Variants in CSF2RA observed in about 807,000 individuals in gnomAD.
The protein encoded by CSF2RA is granulocyte-macrophage colony-stimulating factor receptor subunit alpha.
Under a neutral mutation model 51.6 loss-of-function variants are expected in CSF2RA, and 42 were observed. The observed-to-expected ratio is 0.81, with a 90% confidence interval of 0.64 to 1.05. CSF2RA has a LOEUF of 1.05. Among genes scored for constraint, CSF2RA ranks in the 50% least tolerant of loss-of-function variants. The pLI is 0.00. For synonymous variants in CSF2RA, 222 were observed against 193.0 expected (o/e 1.15, Z -1.24); for missense variants, 530 against 501.1 (o/e 1.06, Z -0.55).
the CSF2RA span, among the ~76,000 whole-genome samples, chrX:1,322,007 T>G: frequency 6.6e-6 from 1 of 152,072 alleles, no homozygotes; most frequent in Non-Finnish European, 1.5e-5. Flanking sequence ...TGGTGGCTCA[T>G]GCCTGTAATC....
the CSF2RA span, among the ~76,000 whole-genome samples, chrX:1,322,231 G>A: frequency 2.0e-5 from 3 of 150,824 alleles, no homozygotes; most frequent in South Asian, 2.1e-4. Context: ...TCAGCCTCCC[G>A]AGTAGCTGGG....
intron 2 of CSF2RA, among the ~76,000 whole-genome samples, 195 bp downstream of exon 2, chrX:1,275,013 C>G (rs2088980933): frequency 6.7e-6 from 1 of 149,990 alleles, no homozygotes; most frequent in South Asian, 2.1e-4. Context: ...TGAGACAGTA[C>G]ACATCCTCCT....
At position 1,304,034 on chromosome X, in the gene CSF2RA, A is replaced by C; in HGVS notation, c.1043+15A>C. 6.2e-7 allele frequency: 1 copy of C among 1,605,454 alleles called. No individual in the cohort carries two copies. Among genetic ancestry groups the C allele is most frequent in the Non-Finnish European group, 8.5e-7 (1 of 1,173,976 alleles). ...CTCTTTAAAAGGTAACCTGTGAAACACCTGGGCCTCCCCAATGAAAACAGG... is the reference window on the plus strand; with the variant it reads ...CTCTTTAAAAGGTAACCTGTGAAACCCCTGGGCCTCCCCAATGAAAACAGG... On this transcript the variant is annotated intron_variant, in intron 11 of 12. Transcript: ENST00000381529.
chrX:1,282,138 G>C (rs1178626215), intron 2 of CSF2RA: 3 of 158,560 alleles, frequency 1.9e-5, no homozygotes, highest in Admixed American at 1.8e-4. Flanking sequence ...CTGGGATGTG[G>C]AGGTTGCAGT....
At chrX:1,275,168 G>C (rs1211033168) in intron 2 of CSF2RA, among the ~76,000 whole-genome samples, 1 of 151,806 alleles carries the variant, frequency 6.6e-6, no homozygotes, top group African/African-American at 2.4e-5. Context: ...TGAGGCGGGG[G>C]GATCATGAGG....
At chrX:1,308,147 CT>C (rs2083867595) in intron 12 of CSF2RA, among the ~76,000 whole-genome samples, 1 of 152,120 alleles carries the variant, frequency 6.6e-6, no homozygotes, top group African/African-American at 2.4e-5. Context: ...TGGAAATCAG[CT>C]GATTGTGGAC....
At chrX:1,287,006 T>G (rs1461463339) in intron 4 of CSF2RA, among the ~76,000 whole-genome samples, 17 of 151,326 alleles carry the variant, frequency 1.1e-4, no homozygotes, top group Non-Finnish European at 2.2e-4. Context: ...AAGAGAGAAA[T>G]ATGGATGATC....
intron 3 of CSF2RA, 25 bp downstream of exon 3, chrX:1,282,804 C>A: frequency 3.1e-6 from 5 of 1,593,002 alleles, no homozygotes; most frequent in Non-Finnish European, 4.3e-6. Flanking sequence ...CTGGCTGAAC[C>A]TTCTCCGCGG....
Position 1,300,539 on chromosome X carries a change from G to A in CSF2RA, c.859G>A (p.Glu287Lys), listed in dbSNP as rs745332128. The A allele has an allele frequency of 4.3e-6, 7 of 1,613,794 alleles. No homozygotes were observed. The highest frequency in any genetic ancestry group is 1.7e-6 in the Non-Finnish European group (2 of 1,179,876). The stretch of plus-strand genomic sequence containing the variant: ...AAATAGATACAACTTTCCAAGCTCT[G>A]AGCCCAGAGCAAAACACAGTGTGAA... ...LENRYNFPSS[E>K]PRAKHSVKIR... Residue 287 changes from glutamate (E) to lysine (K), a missense_variant, in exon 10 of 13, where the codon GAG becomes AAG. By Grantham distance (56) the Glu-to-Lys change is moderately conservative. Coordinates refer to ENST00000381529, the MANE Select transcript of CSF2RA (RefSeq NM_172245.4).
At position 1,286,192 on chromosome X, in the gene CSF2RA, G is replaced by A. The variant is rs113645853; in HGVS notation, c.219+272G>A. Among the ~76,000 whole-genome samples, 792 of 151,996 alleles carry A rather than the reference G, an allele frequency of 5.2e-3. 10 individuals carry two copies. Among genetic ancestry groups the A allele is most frequent in the African/African-American group, 0.018 (732 of 41,454 alleles). ...GAGGCTGAGGGCAGAAGAATTACTCGAACCCGGGAGGTGGAAGTTGCAGTG... is the reference window on the plus strand; with the variant it reads ...GAGGCTGAGGGCAGAAGAATTACTCAAACCCGGGAGGTGGAAGTTGCAGTG... On this transcript the variant is annotated intron_variant, in intron 4 of 12. Coordinates refer to ENST00000381529, the MANE Select transcript of CSF2RA (RefSeq NM_172245.4).
rs1188297899 is a variant in CSF2RA at position 1,303,959 on chromosome X, A to T, written c.983A>T (p.Tyr328Phe). 3 of 1,613,182 alleles carry T rather than the reference A, an allele frequency of 1.9e-6. No homozygotes were observed. The East Asian group carries it at 6.7e-5, about 36-fold the overall frequency. Residue 328 changes from tyrosine (Y) to phenylalanine (F), a missense_variant, in exon 11 of 13, where the codon TAT becomes TTT. Physicochemically the swap from Tyr to Phe is conservative, Grantham distance 22. Coordinates refer to ENST00000381529, the MANE Select transcript of CSF2RA (RefSeq NM_172245.4). ...GGGAACCTCGGCTCTGTGTACATTT[A>T]TGTGCTCCTAATCGTGGGAACCCTT... Reference protein sequence around the residue: ...DDGNLGSVYIYVLLIVGTLVC... With the variant: ...DDGNLGSVYIFVLLIVGTLVC...
chrX:1,300,607 G>A lies in CSF2RA; in HGVS notation c.927G>A (p.Trp309Ter). 6.2e-7 allele frequency: 1 copy of A among 1,613,912 alleles called. No individual in the cohort carries two copies. The highest frequency in any genetic ancestry group is 8.5e-7 in the Non-Finnish European group (1 of 1,179,856). ...TCCGCATCTTGAATTGGAGCTCCTG[G>A]AGTGAAGCCATTGAATTTGGTAAGC... ...ADVRILNWSS[W>*]SEAIEFGSDD... The change falls in exon 10 of 13, where the codon TGG becomes TGA. Residue 309 changes from tryptophan (W) to a stop codon, truncating the protein, a stop_gained. Coordinates refer to ENST00000381529, the MANE Select transcript of CSF2RA (RefSeq NM_172245.4). LOFTEE classifies it high-confidence loss of function.
chrX:1,303,992 G>T lies in CSF2RA; in HGVS notation c.1016G>T (p.Gly339Val), dbSNP rs760207183. ...VLLIVGTLVC[G>V]IVLGFLFKRF... is the part of the protein sequence containing the mutation. ...CTAATCGTGGGAACCCTTGTCTGTG[G>T]CATCGTCCTCGGCTTCCTCTTTAAA... Residue 339 changes from glycine to valine, a missense_variant, in exon 11 of 13, where the codon GGC (glycine) becomes GTC (valine). Gly to Val is a moderately radical substitution (Grantham distance 109, BLOSUM62 -3). Coordinates refer to ENST00000381529, the MANE Select transcript of CSF2RA (RefSeq NM_172245.4). 4.3e-5 allele frequency: 69 copies of T among 1,612,860 alleles called. No individual in the cohort carries two copies. In the South Asian group the frequency reaches 7.1e-4, roughly 17 times the overall value.
the CSF2RA span, among the ~76,000 whole-genome samples, chrX:1,322,121 T>TATTTA: frequency 2.6e-3 from 401 of 151,884 alleles, 2 homozygotes; most frequent in African/African-American, 9.0e-3. Flanking sequence ...TTTATTTATT[T>TATTTA]TTGAGACAGT....
At chrX:1,280,059 G>C (rs2089695794) in intron 2 of CSF2RA, among the ~76,000 whole-genome samples, 1 of 151,982 alleles carries the variant, frequency 6.6e-6, no homozygotes, top group Admixed American at 6.6e-5. Context: ...CAAAGTGCTG[G>C]GATTACAGGC....
In CSF2RA at chrX:1,300,568, C is replaced by T. The variant is rs2092300724; in HGVS notation, c.888C>T (p.Ile296=). The stretch of plus-strand genomic sequence containing the variant: ...CCAGAGCAAAACACAGTGTGAAGAT[C>T]AGAGCTGCAGACGTCCGCATCTTGA... ...SEPRAKHSVK[I]RAADVRILNW... Residue 296 remains isoleucine (I), a synonymous_variant, in exon 10 of 13, where the codon ATC becomes ATT. Coordinates refer to ENST00000381529, the MANE Select transcript of CSF2RA (RefSeq NM_172245.4). 1 of 1,613,766 alleles carries T rather than the reference C, an allele frequency of 6.2e-7. No individual in the cohort carries two copies.
At chrX:1,276,997 G>T (rs1364114030) in intron 2 of CSF2RA, among the ~76,000 whole-genome samples, 1 of 151,634 alleles carries the variant, frequency 6.6e-6, no homozygotes, top group Non-Finnish European at 1.5e-5. Flanking sequence ...TACTCGAGAG[G>T]CTGAGGCAGG....
intron 7 of CSF2RA, among the ~76,000 whole-genome samples, chrX:1,293,430 A>G (rs1458675442): frequency 2.0e-5 from 3 of 152,256 alleles, no homozygotes; most frequent in East Asian, 1.9e-4. Flanking sequence ...CGTGTTAGCC[A>G]GGATGGTCTC....
Position 1,307,545 on chromosome X carries a change from G to C in CSF2RA, c.1126-1857G>C, listed in dbSNP as rs373516460. 7.9e-3 allele frequency among the ~76,000 whole-genome samples: 768 copies of C among 97,016 alleles called. 1 individual carries two copies. Among genetic ancestry groups the C allele is most frequent in the South Asian group, 0.015 (51 of 3,306 alleles). The allele number at this position is 97,016 out of a possible 152,430, so 63.6% of individuals were successfully genotyped here. A position where few individuals can be genotyped will look rare whatever the true frequency, so the allele number is the denominator to read the frequency against. On this transcript the variant is annotated intron_variant, in intron 12 of 12. Transcript: ENST00000381529. ...CTTTGACTGATTAGATGAAGCCCAC[G>C]CTTCTCCTTTGGACCTTCAACTGAT...
Sources: allele counts gnomAD v4.1 joint callset (sites outside exome capture counted in the v4.1 genomes callset), GRCh38; gene constraint gnomAD v4.1.1; transcripts MANE v1.5; gene names NCBI Gene and HGNC (gene_info 2026-07-23, HGNC 2026-07-21).